The following PEX7 variants were observed in gnomAD, a reference collection of about 807,000 sequenced individuals.
PEX7 encodes peroxisomal biogenesis factor 7.
A neutral mutation model predicts 47.5 loss-of-function variants in PEX7; 34 were observed. That is an observed-to-expected ratio of 0.72 (90% CI 0.54 to 0.95). The LOEUF (loss-of-function observed/expected upper bound fraction) is 0.95, where lower values mean the gene tolerates loss of function less well. Ranked by LOEUF, PEX7 falls within the 40% of genes least tolerant of loss-of-function variation. The pLI is 0.00. For missense variants in PEX7, 394 were observed against 400.3 expected (o/e 0.98, Z 0.13); for synonymous variants, 141 against 148.8 (o/e 0.95, Z 0.38).
intron 3 of PEX7, among the ~76,000 whole-genome samples, chr6:136,836,098 A>G (rs1774379995): frequency 6.6e-6 from 1 of 152,138 alleles, no homozygotes; most frequent in Non-Finnish European, 1.5e-5. Flanking sequence ...GAATCTATTA[A>G]AAAGCATATG....
intron 5 of PEX7, among the ~76,000 whole-genome samples, chr6:136,860,265 A>G (rs566453519): frequency 1.1e-3 from 162 of 152,314 alleles, no homozygotes; most frequent in African/African-American, 3.8e-3. Context: ...CCTACCTGGA[A>G]AACAAAATGG....
chr6:136,912,532 C>G (rs1303394753), intron 9 of PEX7, among the ~76,000 whole-genome samples: 1 of 152,060 alleles, frequency 6.6e-6, no homozygotes, highest in Non-Finnish European at 1.5e-5. Context: ...AGCCATTTGT[C>G]CAAGTGTGGG....
chr6:136,854,834 C>A (rs1227417968), intron 5 of PEX7, among the ~76,000 whole-genome samples: 1 of 152,152 alleles, frequency 6.6e-6, no homozygotes, highest in African/African-American at 2.4e-5. Context: ...CATCTGTAAT[C>A]CCAGCACTTT....
intron 3 of PEX7, among the ~76,000 whole-genome samples, chr6:136,838,168 T>G (rs536315619): frequency 1.3e-5 from 2 of 152,312 alleles, no homozygotes; most frequent in South Asian, 2.1e-4. Context: ...AGTTTAAGAT[T>G]GAAACATTCT....
chr6:136,833,853 T>G (rs2115146142), intron 3 of PEX7, among the ~76,000 whole-genome samples: 1 of 152,324 alleles, frequency 6.6e-6, no homozygotes, highest in East Asian at 1.9e-4. Context: ...AGACTTGTAT[T>G]AAAAAAGGCA....
intron 7 of PEX7, among the ~76,000 whole-genome samples, chr6:136,871,138 G>A (rs1029359443): frequency 1.3e-5 from 2 of 152,176 alleles, no homozygotes; most frequent in African/African-American, 4.8e-5. Flanking sequence ...TATGCTCTAT[G>A]TATATTTTAG....
chr6:136,871,091 A>G (rs530458062), intron 7 of PEX7, among the ~76,000 whole-genome samples: 103 of 152,208 alleles, frequency 6.8e-4, no homozygotes, highest in Non-Finnish European at 1.2e-3. Context: ...TTTTTTAATA[A>G]ATTTGTTTAA....
At chr6:136,856,078 A>G (rs556447057) in intron 5 of PEX7, among the ~76,000 whole-genome samples, 4 of 152,280 alleles carry the variant, frequency 2.6e-5, no homozygotes, top group Admixed American at 2.0e-4. Context: ...ATAACAGAAG[A>G]TGAATTGTTT....
chr6:136,889,117 G>C (rs1176606133), intron 8 of PEX7, among the ~76,000 whole-genome samples: 1 of 152,054 alleles, frequency 6.6e-6, no homozygotes. Flanking sequence ...TAACTCCCAA[G>C]TTTGTTGATA....
chr6:136,846,008 A>T, intron 4 of PEX7, 65 bp from the exon 5 acceptor site: 1 of 868,052 alleles, frequency 1.2e-6, no homozygotes, highest in Non-Finnish European at 2.0e-6. Flanking sequence ...TGGTGTATGT[A>T]GTATATGTAA....
intron 8 of PEX7, among the ~76,000 whole-genome samples, chr6:136,897,358 A>C (rs888062776): frequency 2.0e-5 from 3 of 152,182 alleles, no homozygotes; most frequent in African/African-American, 7.2e-5. Context: ...AATAAAAAAG[A>C]TGATGAGCAA....
At chr6:136,863,070 G>C (rs553922350) in intron 5 of PEX7, among the ~76,000 whole-genome samples, 82 of 152,312 alleles carry the variant, frequency 5.4e-4, no homozygotes, top group African/African-American at 2.0e-3. Context: ...ATTATAATGA[G>C]GGCCGTTGGA....
chr6:136,846,157 C>A lies in PEX7; in HGVS notation c.502C>A (p.Pro168Thr). 1.2e-6 allele frequency: 2 copies of A among 1,612,210 alleles called. No homozygotes were observed. Among genetic ancestry groups the A allele is most frequent in the East Asian group, 2.2e-5 (1 of 44,838 alleles). Residue 168 changes from proline (P) to threonine (T), a missense_variant, in exon 5 of 10, where the codon CCT (proline) becomes ACT (threonine). Coordinates refer to ENST00000318471, the MANE Select transcript of PEX7 (RefSeq NM_000288.4). ...IYSTIWSPHI[P>T]GCFASASGDQ... ...TAGCACAATCTGGTCTCCCCACATCCCTGGTTGTTTTGCTTCAGCCTCAGG... is the reference window on the plus strand; with the variant it reads ...TAGCACAATCTGGTCTCCCCACATCACTGGTTGTTTTGCTTCAGCCTCAGG...
At chr6:136,865,292 C>CTTTA (rs1055688149) in intron 5 of PEX7, among the ~76,000 whole-genome samples, 23 of 151,938 alleles carry the variant, frequency 1.5e-4, no homozygotes, top group South Asian at 6.2e-4. Flanking sequence ...CTCTCTCACT[C>CTTTA]TTTATTTATT....
At chr6:136,837,435 CTTAAAG>C (rs1259914772) in intron 3 of PEX7, among the ~76,000 whole-genome samples, 3 of 148,430 alleles carry the variant, frequency 2.0e-5, no homozygotes, top group Non-Finnish European at 3.0e-5. Flanking sequence ...TAGAAGCGAT[CTTAAAG>C]TTAAATGGGG....
At chr6:136,870,719 C>CTT in intron 7 of PEX7, 2 of 371,170 alleles carry the variant, frequency 5.4e-6, no homozygotes, top group Non-Finnish European at 1.1e-5. Flanking sequence ...ATTTTTTTTT[C>CTT]TTTTTTTTTG....
intron 6 of PEX7, among the ~76,000 whole-genome samples, chr6:136,867,207 A>C (rs1356410904): frequency 6.6e-6 from 1 of 152,166 alleles, no homozygotes; most frequent in African/African-American, 2.4e-5. Context: ...TCCATGTGCA[A>C]CTTTTTTAAA....
At chr6:136,845,929 A>G (rs966747583) in intron 4 of PEX7, 144 bp from the exon 5 acceptor site, 1 of 682,994 alleles carries the variant, frequency 1.5e-6, no homozygotes. Context: ...TTATATCAAA[A>G]CAGATCTTTA....
Position 136,835,020 on chromosome 6 carries a change from A to G in PEX7, c.339+8551A>G, listed in dbSNP as rs190691495. On this transcript the variant is annotated intron_variant, in intron 3 of 9. Transcript: ENST00000318471. ...AATGGTGCAATCTTGGCCCACTGCA[A>G]CCTCCGCCTCCCAGGTTCAAGTGAT... Among the ~76,000 whole-genome samples the G allele has an allele frequency of 1.1e-3, 163 of 151,644 alleles. 1 individual carries two copies. The highest frequency in any genetic ancestry group is 3.6e-3 in the African/African-American group (148 of 41,332).
Sources: allele counts gnomAD v4.1 joint callset (sites outside exome capture counted in the v4.1 genomes callset), GRCh38; gene constraint gnomAD v4.1.1; transcripts MANE v1.5; gene names NCBI Gene and HGNC (gene_info 2026-07-23, HGNC 2026-07-21).